The following RSF1 variants were observed in gnomAD, a reference collection of about 807,000 sequenced individuals.
The protein encoded by RSF1 is remodeling and spacing factor 1, also known as HBV pX-associated protein 8.
RSF1 carries 13 observed loss-of-function variants against 145.2 expected under a neutral mutation model. The ratio of observed to expected loss-of-function variants is 0.09; its 90% CI spans 0.06 to 0.14. The LOEUF is 0.14. Ranked by LOEUF, RSF1 falls within the 10% of genes least tolerant of loss-of-function variation. The pLI is 1.00. For synonymous variants in RSF1, 577 were observed against 592.6 expected (o/e 0.97, Z 0.38); for missense variants, 1,517 against 1,718.2 (o/e 0.88, Z 2.07).
At chr11:77,837,112 T>C in the RSF1 span, among the ~76,000 whole-genome samples, 1 of 152,218 alleles carries the variant, frequency 6.6e-6, no homozygotes, top group Non-Finnish European at 1.5e-5. Flanking sequence ...GTGTTGTTTT[T>C]TGTTTGAGTT....
chr11:77,694,052 G>C (rs1406184392), intron 7 of RSF1, among the ~76,000 whole-genome samples: 3 of 151,866 alleles, frequency 2.0e-5, no homozygotes, highest in African/African-American at 7.3e-5. Flanking sequence ...CAAAGTGCTG[G>C]GATTACAAGC....
intron 1 of RSF1, among the ~76,000 whole-genome samples, chr11:77,769,174 C>G (rs2135942778): frequency 6.6e-6 from 1 of 152,248 alleles, no homozygotes; most frequent in Admixed American, 6.5e-5. Flanking sequence ...TCTCCTGCCT[C>G]AGCCTCCCAA....
chr11:77,844,002 C>T, the RSF1 span, among the ~76,000 whole-genome samples: 43 of 152,050 alleles, frequency 2.8e-4, no homozygotes, highest in Non-Finnish European at 5.1e-4. Context: ...AAAGACCCAC[C>T]CCCATAATTC....
chr11:77,705,647 G>A (rs1236497827), intron 5 of RSF1, among the ~76,000 whole-genome samples: 1 of 152,162 alleles, frequency 6.6e-6, no homozygotes, highest in African/African-American at 2.4e-5. Flanking sequence ...TGACATGTAT[G>A]AGGAAGTCGT....
chr11:77,729,888 C>G (rs1961155093), intron 4 of RSF1, among the ~76,000 whole-genome samples: 1 of 22,680 alleles, frequency 4.4e-5, no homozygotes, highest in Non-Finnish European at 8.0e-5. Flanking sequence ...CCAAATTATT[C>G]AGTAGGCAAA....
intron 1 of RSF1, among the ~76,000 whole-genome samples, chr11:77,769,820 A>C (rs966072157): frequency 6.6e-6 from 1 of 152,252 alleles, no homozygotes; most frequent in Non-Finnish European, 1.5e-5. Flanking sequence ...TCTTCAATAA[A>C]GTCTTCTACT....
chr11:77,867,397 T>C, the RSF1 span, among the ~76,000 whole-genome samples: 10 of 152,196 alleles, frequency 6.6e-5, no homozygotes, highest in African/African-American at 2.4e-4. Context: ...GTTTATTCAC[T>C]CTGTCTTCTG....
intron 1 of RSF1, among the ~76,000 whole-genome samples, chr11:77,785,689 C>T (rs1386220794): frequency 2.0e-5 from 3 of 151,460 alleles, no homozygotes; most frequent in Non-Finnish European, 2.9e-5. Flanking sequence ...CAGTGGCTTA[C>T]GCCTGTAATC....
chr11:77,780,935 A>G (rs930593443), intron 1 of RSF1, among the ~76,000 whole-genome samples: 7 of 152,018 alleles, frequency 4.6e-5, no homozygotes, highest in African/African-American at 1.7e-4. Flanking sequence ...TGTTTTCCAT[A>G]CTACAGATTT....
chr11:77,717,226 A>G (rs1265581406), intron 5 of RSF1, among the ~76,000 whole-genome samples: 3 of 151,540 alleles, frequency 2.0e-5, no homozygotes, highest in Non-Finnish European at 4.4e-5. Flanking sequence ...AAAAAATAAT[A>G]TAAATACAGG....
chr11:77,725,999 T>C lies in RSF1; in HGVS notation c.579-300A>G, dbSNP rs187794842. On this transcript the variant is annotated intron_variant, in intron 4 of 15. Coordinates refer to ENST00000308488, the MANE Select transcript of RSF1 (RefSeq NM_016578.4). ...AAATTACACAAAAATCAACGTTTGA[T>C]AACTTTAAAAATAGTATGTAATCTC... Among the ~76,000 whole-genome samples, 323 of 152,308 alleles carry C rather than the reference T, an allele frequency of 2.1e-3. 2 individuals carry two copies. Among genetic ancestry groups the C allele is most frequent in the Non-Finnish European group, 3.9e-3 (262 of 68,024 alleles).
At chr11:77,836,997 GTGTT>G in the RSF1 span, among the ~76,000 whole-genome samples, 29 of 152,304 alleles carry the variant, frequency 1.9e-4, no homozygotes, top group East Asian at 5.2e-3. Context: ...GTAATTATAT[GTGTT>G]TGTCTTCTCT....
chr11:77,859,564 T>C, the RSF1 span, among the ~76,000 whole-genome samples: 1 of 152,218 alleles, frequency 6.6e-6, no homozygotes, highest in Admixed American at 6.5e-5. Flanking sequence ...GTGAGGGCTA[T>C]TAGTTCTGCC....
At chr11:77,704,320 GAAAC>G (rs953273052) in intron 5 of RSF1, among the ~76,000 whole-genome samples, 27 of 152,068 alleles carry the variant, frequency 1.8e-4, no homozygotes, top group African/African-American at 4.8e-4. Context: ...TCAAAAAATA[GAAAC>G]AAACAAACAA....
At position 77,691,145 on chromosome 11, in the gene RSF1, A is replaced by T. The variant is rs1253977108; in HGVS notation, c.2900+14T>A. On this transcript the variant is annotated intron_variant, in intron 9 of 15. Coordinates refer to ENST00000308488, the MANE Select transcript of RSF1 (RefSeq NM_016578.4). ...ATATTCCCAAACAAAACATTAACACACATATAAAAATACCTTCGTTCGGCA... is the reference window on the plus strand; with the variant it reads ...ATATTCCCAAACAAAACATTAACACTCATATAAAAATACCTTCGTTCGGCA... 1 of 1,607,448 alleles carries T rather than the reference A, an allele frequency of 6.2e-7. No homozygotes were observed. The highest frequency in any genetic ancestry group is 1.3e-5 in the African/African-American group (1 of 74,796).
At chr11:77,783,185 A>G (rs1042344552) in intron 1 of RSF1, among the ~76,000 whole-genome samples, 3 of 152,168 alleles carry the variant, frequency 2.0e-5, no homozygotes, top group Admixed American at 6.5e-5. Flanking sequence ...CCCTTACATT[A>G]TATTTGCAAT....
chr11:77,785,964 G>A (rs185742220), intron 1 of RSF1, among the ~76,000 whole-genome samples: 109 of 123,344 alleles, frequency 8.8e-4, no homozygotes, highest in African/African-American at 3.0e-3. Context: ...AGAATTATAC[G>A]TAGATCTATT....
chr11:77,773,664 G>A (rs1394563535), intron 1 of RSF1, among the ~76,000 whole-genome samples: 4 of 152,050 alleles, frequency 2.6e-5, no homozygotes, highest in African/African-American at 9.7e-5. Context: ...TACTCAAAAT[G>A]TAATATGCTA....
chr11:77,710,625 TGAG>T (rs922676843), intron 5 of RSF1, among the ~76,000 whole-genome samples: 8 of 152,178 alleles, frequency 5.3e-5, no homozygotes, highest in African/African-American at 1.7e-4. Flanking sequence ...TCTCTGGTGT[TGAG>T]GAGTTCTTTA....
Sources: gnomAD v4.1 joint callset for allele counts (sites outside exome capture counted in the v4.1 genomes callset) on GRCh38, gnomAD v4.1.1 for gene constraint, MANE v1.5 for transcripts, NCBI Gene and HGNC (gene_info 2026-07-23, HGNC 2026-07-21) for gene names.